UBE2E2: variants seen among roughly 807,000 people sequenced by gnomAD.
UBE2E2 encodes ubiquitin conjugating enzyme E2 E2.
A neutral mutation model predicts 24.7 loss-of-function variants in UBE2E2; 6 were observed. The observed-to-expected ratio is 0.24, with a 90% CI of 0.13 to 0.48. The LOEUF (loss-of-function observed/expected upper bound fraction) is 0.48. Ranked by LOEUF, UBE2E2 falls within the 20% of genes least tolerant of loss-of-function variation. The probability of loss-of-function intolerance (pLI) is 0.99; values close to 1 mark genes in which losing one functional copy is unlikely to be tolerated. For missense variants in UBE2E2, 169 were observed against 245.0 expected, an observed-to-expected ratio of 0.69 and a Z score of 2.07; for synonymous variants, 104 against 83.6, an observed-to-expected ratio of 1.24 and a Z score of -1.33.
At chr3:23,408,029 GTAAA>G (rs1210162454) in intron 3 of UBE2E2, among the ~76,000 whole-genome samples, 1 of 151,976 alleles carries the variant, frequency 6.6e-6, no homozygotes, top group East Asian at 1.9e-4. Context: ...TGTCACTGAA[GTAAA>G]TAAAACTTTT....
chr3:23,219,195 T>C (rs1342908653), intron 3 of UBE2E2, among the ~76,000 whole-genome samples: 5 of 152,170 alleles, frequency 3.3e-5, no homozygotes, highest in Admixed American at 2.6e-4. Context: ...AACAGTTGCT[T>C]GGACTGGGTC....
intron 3 of UBE2E2, among the ~76,000 whole-genome samples, chr3:23,245,616 T>A (rs1036213672): frequency 6.6e-6 from 1 of 152,202 alleles, no homozygotes; most frequent in African/African-American, 2.4e-5. Flanking sequence ...ATTCAGGTAG[T>A]AAGGGACCTT....
At chr3:23,274,032 G>A (rs1371179639) in intron 3 of UBE2E2, 2 of 152,186 alleles carry the variant, frequency 1.3e-5, no homozygotes, top group Admixed American at 6.5e-5. Context: ...AAAAAATGCT[G>A]TTGATATAAG....
intron 3 of UBE2E2, among the ~76,000 whole-genome samples, chr3:23,429,678 G>A (rs1371303094): frequency 6.6e-6 from 1 of 152,184 alleles, no homozygotes; most frequent in Non-Finnish European, 1.5e-5. Flanking sequence ...CTAATGTAGT[G>A]AGATAGGAAA....
At position 23,310,259 on chromosome 3, in the gene UBE2E2, A is replaced by G. The variant is rs1277046672; in HGVS notation, c.227+92947A>G. On this transcript the variant is annotated intron_variant, in intron 3 of 5. Transcript: ENST00000396703. ...GTTACCAATTAAGTACCAAAATGCA[A>G]TGAGAAAGTGATATAAAAGCATTAT... Among the ~76,000 whole-genome samples, 2 of 151,776 alleles carry G rather than the reference A, an allele frequency of 1.3e-5. 1 individual carries two copies. Among genetic ancestry groups the G allele is most frequent in the Middle Eastern group, 6.8e-3 (2 of 292 alleles).
chr3:23,377,969 G>T (rs946047893), intron 3 of UBE2E2, among the ~76,000 whole-genome samples: 1 of 151,822 alleles, frequency 6.6e-6, no homozygotes, highest in Non-Finnish European at 1.5e-5. Context: ...TATAGGTAAT[G>T]TTCTTATGAG....
At chr3:23,395,541 C>A (rs973200012) in intron 3 of UBE2E2, among the ~76,000 whole-genome samples, 1 of 152,180 alleles carries the variant, frequency 6.6e-6, no homozygotes, top group African/African-American at 2.4e-5. Context: ...ATATAATTGA[C>A]TTCTCTAGTA....
chr3:23,416,376 G>A (rs1166678983), intron 3 of UBE2E2, among the ~76,000 whole-genome samples: 1 of 152,170 alleles, frequency 6.6e-6, no homozygotes, highest in Non-Finnish European at 1.5e-5. Context: ...TTGGATACTG[G>A]CGCTCACGCT....
intron 5 of UBE2E2, among the ~76,000 whole-genome samples, chr3:23,582,847 G>A (rs1381123744): frequency 3.6e-5 from 5 of 140,384 alleles, no homozygotes; most frequent in African/African-American, 1.3e-4. Context: ...TAGAGTGTCT[G>A]TTTATTCTGT....
chr3:23,354,357 C>T (rs947293989), intron 3 of UBE2E2, among the ~76,000 whole-genome samples: 1 of 152,156 alleles, frequency 6.6e-6, no homozygotes, highest in African/African-American at 2.4e-5. Flanking sequence ...ACACCAAAAG[C>T]AATGGCAACA....
chr3:23,539,599 A>G (rs1007109379), intron 5 of UBE2E2, among the ~76,000 whole-genome samples: 1 of 152,192 alleles, frequency 6.6e-6, no homozygotes. Flanking sequence ...GTATCTGTCA[A>G]CTTTACTTGA....
At chr3:23,332,674 GGTGTGTGTGTGTGTGTGTGTGTGTGTGT>G (rs3086989) in intron 3 of UBE2E2, among the ~76,000 whole-genome samples, 1 of 108,070 alleles carries the variant, frequency 9.3e-6, no homozygotes, top group Non-Finnish European at 2.0e-5. Flanking sequence ...CAGCCAGTGG[GGTGTGTGTGTGTGTGTGTGTGTGTGTGT>G]GTGTGTGTGT....
chr3:23,364,665 A>G (rs1160448093), intron 3 of UBE2E2, among the ~76,000 whole-genome samples: 5 of 152,200 alleles, frequency 3.3e-5, no homozygotes, highest in African/African-American at 9.7e-5. Context: ...CCAGGACCAG[A>G]CAGATTCACA....
intron 3 of UBE2E2, among the ~76,000 whole-genome samples, chr3:23,404,981 T>C (rs1012483921): frequency 6.6e-6 from 1 of 152,216 alleles, no homozygotes; most frequent in African/African-American, 2.4e-5. Context: ...ATTTGGCTTA[T>C]ATACTTTGAC....
At chr3:23,535,872 C>T (rs989126309) in intron 5 of UBE2E2, among the ~76,000 whole-genome samples, 1 of 152,094 alleles carries the variant, frequency 6.6e-6, no homozygotes, top group Non-Finnish European at 1.5e-5. Context: ...CCGCCCGCCT[C>T]GGCCTCCCAA....
chr3:23,413,654 T>A (rs993902869), intron 3 of UBE2E2, among the ~76,000 whole-genome samples: 1 of 152,182 alleles, frequency 6.6e-6, no homozygotes, highest in Non-Finnish European at 1.5e-5. Flanking sequence ...TGAAGTAAAT[T>A]TCCCTTACCT....
intron 3 of UBE2E2, among the ~76,000 whole-genome samples, chr3:23,288,146 A>G (rs1204829011): frequency 6.6e-6 from 1 of 152,136 alleles, no homozygotes; most frequent in Admixed American, 6.6e-5. Flanking sequence ...TGTTCCAAGA[A>G]ATTTTTCAGT....
At chr3:23,566,121 CAT>C (rs1413901453) in intron 5 of UBE2E2, among the ~76,000 whole-genome samples, 1 of 152,146 alleles carries the variant, frequency 6.6e-6, no homozygotes, top group Non-Finnish European at 1.5e-5. Context: ...GTCAAATTAA[CAT>C]GTTTGCCTCT....
chr3:23,546,303 T>G (rs1342809255), intron 5 of UBE2E2, among the ~76,000 whole-genome samples: 1 of 152,140 alleles, frequency 6.6e-6, no homozygotes, highest in African/African-American at 2.4e-5. Flanking sequence ...CTATTTTTGT[T>G]GTCATTGTTC....
Sources: gnomAD v4.1 joint callset for allele counts (sites outside exome capture counted in the v4.1 genomes callset) on GRCh38, gnomAD v4.1.1 for gene constraint, MANE v1.5 for transcripts, NCBI Gene and HGNC (gene_info 2026-07-23, HGNC 2026-07-21) for gene names.